The following SERINC5 variants were observed in gnomAD, a reference collection of about 807,000 sequenced individuals.
The protein encoded by SERINC5 is chromosome 5 open reading frame 12.
SERINC5 carries 41 observed loss-of-function variants against 63.1 expected under a neutral mutation model. The ratio of observed to expected loss-of-function variants is 0.65; its 90% confidence interval spans 0.51 to 0.84. The LOEUF (loss-of-function observed/expected upper bound fraction) is 0.84, where lower values mean the gene tolerates loss of function less well. Among genes scored for constraint, SERINC5 ranks in the 40% least tolerant of loss-of-function variants. The pLI, the probability that SERINC5 is intolerant of heterozygous loss-of-function variation, is 0.00. For synonymous variants in SERINC5, 222 were observed against 215.2 expected (o/e 1.03, Z -0.28); for missense variants, 523 against 573.0 (o/e 0.91, Z 0.89).
At chr5:80,226,588 C>T (rs1751175562) in intron 1 of SERINC5, among the ~76,000 whole-genome samples, 2 of 152,186 alleles carry the variant, frequency 1.3e-5, no homozygotes, top group Non-Finnish European at 2.9e-5. Flanking sequence ...GATGCTGCCC[C>T]TTGTGAGGGC....
intron 1 of SERINC5, among the ~76,000 whole-genome samples, chr5:80,206,360 TCA>T (rs369100553): frequency 1.3e-5 from 2 of 152,304 alleles, no homozygotes; most frequent in African/African-American, 4.8e-5. Context: ...GATCTTGGAA[TCA>T]CAGTCATTTC....
rs567767196 is a variant in SERINC5 at position 80,141,897 on chromosome 5, A to T, written c.*1766T>A. ...TGAATCTCAAACACTCTAAGTAGGG[A>T]AAGTTCTAAAGGAATTCATCCCCTG... On this transcript the variant is annotated 3_prime_UTR_variant, in exon 12 of 12. Transcript: ENST00000507668. 4.1e-6 allele frequency: 4 copies of T among 985,310 alleles called. No homozygotes were observed. Among genetic ancestry groups the T allele is most frequent in the Admixed American group, 6.1e-5 (1 of 16,264 alleles). 61.0% of individuals were successfully genotyped at this position (985,310 alleles called of 1,614,324 possible).
At chr5:80,138,037 G>A (rs77520085), downstream of SERINC5, among the ~76,000 whole-genome samples, 3,455 of 151,978 alleles carry the variant, frequency 0.023, 132 homozygotes, top group African/African-American at 0.08. Flanking sequence ...TAGAAGACAC[G>A]GTTAAGTAAA....
chr5:80,153,846 G>A (rs1746344319), intron 8 of SERINC5, among the ~76,000 whole-genome samples: 1 of 151,196 alleles, frequency 6.6e-6, no homozygotes, highest in Non-Finnish European at 1.5e-5. Context: ...CTGTTTCCCT[G>A]CAGAACCACT....
intron 2 of SERINC5, among the ~76,000 whole-genome samples, chr5:80,200,319 A>G (rs1749748503): frequency 7.8e-6 from 1 of 128,716 alleles, no homozygotes; most frequent in Non-Finnish European, 1.7e-5. Context: ...CTACTAAAAA[A>G]TACAAAAAAA....
At chr5:80,178,403 C>T (rs967783361) in intron 2 of SERINC5, among the ~76,000 whole-genome samples, 2 of 123,372 alleles carry the variant, frequency 1.6e-5, no homozygotes, top group East Asian at 2.8e-4. Context: ...GGCTCTGTTG[C>T]CCGGCCTAGA....
chr5:80,147,726 C>T (rs1367900266), intron 9 of SERINC5, among the ~76,000 whole-genome samples: 7 of 152,296 alleles, frequency 4.6e-5, no homozygotes, highest in Admixed American at 2.0e-4. Flanking sequence ...AAATATCCCA[C>T]GCAACAAACT....
At chr5:80,152,395 G>A (rs1227898082) in intron 8 of SERINC5, among the ~76,000 whole-genome samples, 1 of 151,710 alleles carries the variant, frequency 6.6e-6, no homozygotes, top group East Asian at 1.9e-4. Flanking sequence ...CAGCTACTGG[G>A]GAGGCTGAAG....
intron 7 of SERINC5, among the ~76,000 whole-genome samples, chr5:80,165,202 A>G (rs1225790259): frequency 6.6e-6 from 1 of 152,184 alleles, no homozygotes; most frequent in Non-Finnish European, 1.5e-5. Flanking sequence ...GAGTATTTAA[A>G]AAAAAAACTT....
At chr5:80,242,518 G>A (rs1403886773) in intron 1 of SERINC5, among the ~76,000 whole-genome samples, 9 of 140,588 alleles carry the variant, frequency 6.4e-5, no homozygotes, top group Non-Finnish European at 1.3e-4. Flanking sequence ...TTTGGGAGGC[G>A]AGGCGGGTGG....
At chr5:80,160,531 G>GT (rs1259715142) in intron 7 of SERINC5, among the ~76,000 whole-genome samples, 2 of 152,164 alleles carry the variant, frequency 1.3e-5, no homozygotes, top group East Asian at 1.9e-4. Context: ...AACAGTAAAC[G>GT]TAACTATGTA....
intron 12 of SERINC5, among the ~76,000 whole-genome samples, chr5:80,112,331 G>A (rs760765528): frequency 5.9e-5 from 9 of 152,280 alleles, no homozygotes; most frequent in Admixed American, 3.9e-4. Context: ...TCTGGCCTAC[G>A]TGCACATCCA....
intron 1 of SERINC5, among the ~76,000 whole-genome samples, chr5:80,222,577 T>A (rs539769347): frequency 6.6e-6 from 1 of 151,946 alleles, no homozygotes; most frequent in South Asian, 2.1e-4. Context: ...TGAGTGTGTG[T>A]GTGTGTGTGT....
At chr5:80,227,492 G>A (rs1345878055) in intron 1 of SERINC5, among the ~76,000 whole-genome samples, 4 of 151,932 alleles carry the variant, frequency 2.6e-5, no homozygotes, top group Non-Finnish European at 5.9e-5. Flanking sequence ...CGGGAGCAGC[G>A]GCTCACACCT....
chr5:80,178,117 T>C lies in SERINC5; in HGVS notation c.196-53A>G. The C allele has an allele frequency of 2.4e-6, 3 of 1,244,216 alleles. No homozygotes were observed. In the South Asian group the frequency reaches 4.6e-5, roughly 19 times the overall value. The allele number at this position is 1,244,216 out of a possible 1,614,324, so 77.1% of individuals were successfully genotyped here. The stretch of plus-strand genomic sequence containing the variant: ...TGTTACAACTGAGTGAGAGGTGGAC[T>C]GTCACGGAGTGTTCATGCAGCCAAC... On this transcript the variant is annotated intron_variant, in intron 2 of 11. Coordinates refer to ENST00000507668, the MANE Select transcript of SERINC5 (RefSeq NM_001174072.3).
At position 80,143,297 on chromosome 5, in the gene SERINC5, T is replaced by A; in HGVS notation, c.*366A>T. The A allele has an allele frequency of 9.9e-7, 1 of 1,009,090 alleles. No individual in the cohort carries two copies. The highest frequency in any genetic ancestry group is 1.2e-6 in the Non-Finnish European group (1 of 844,924). 62.5% of individuals were successfully genotyped at this position (1,009,090 alleles called of 1,614,324 possible). A position where few individuals can be genotyped will look rare whatever the true frequency, so the allele number is the denominator to read the frequency against. On this transcript the variant is annotated 3_prime_UTR_variant, in exon 12 of 12. Transcript: ENST00000507668. ...TCAAGATTTTGGCATGTTTTTCTATTCCGAGGATGAGAATGACTGGCCCCA... is the reference window on the plus strand; with the variant it reads ...TCAAGATTTTGGCATGTTTTTCTATACCGAGGATGAGAATGACTGGCCCCA...
intron 12 of SERINC5, among the ~76,000 whole-genome samples, chr5:80,111,878 T>C (rs1580005946): frequency 6.6e-6 from 1 of 152,350 alleles, no homozygotes; most frequent in East Asian, 1.9e-4. Context: ...ATGTGTTGTA[T>C]GGAATTAAGG....
At chr5:80,113,865 T>C (rs1210928646) in intron 11 of SERINC5, among the ~76,000 whole-genome samples, 1 of 151,906 alleles carries the variant, frequency 6.6e-6, no homozygotes, top group Non-Finnish European at 1.5e-5. Flanking sequence ...CACCACCTGA[T>C]GGCACCCACC....
At position 80,143,531 on chromosome 5, in the gene SERINC5, T is replaced by C; in HGVS notation, c.*132A>G. 2.9e-6 allele frequency: 4 copies of C among 1,370,530 alleles called. No homozygotes were observed. The highest frequency in any genetic ancestry group is 3.8e-6 in the Non-Finnish European group (4 of 1,064,480). The allele number at this position is 1,370,530 out of a possible 1,614,324, so 84.9% of individuals were successfully genotyped here. On this transcript the variant is annotated 3_prime_UTR_variant, in exon 12 of 12. Coordinates refer to ENST00000507668, the MANE Select transcript of SERINC5 (RefSeq NM_001174072.3). ...AAGTAAAAAGCTAATCAGGAGATTT[T>C]TTTTTTTCTCTCTCAAAGCTTTTTC...
Sources: allele counts gnomAD v4.1 joint callset (sites outside exome capture counted in the v4.1 genomes callset), GRCh38; gene constraint gnomAD v4.1.1; transcripts MANE v1.5; gene names NCBI Gene and HGNC (gene_info 2026-07-23, HGNC 2026-07-21).